The following ATP9B variants were observed in gnomAD, a reference collection of about 807,000 sequenced individuals.
ATP9B encodes the protein probable phospholipid-transporting ATPase IIB.
Under a neutral mutation model 146.1 loss-of-function variants are expected in ATP9B, and 110 were observed. That is an observed-to-expected ratio of 0.75 (90% confidence interval 0.65 to 0.88). The LOEUF is 0.88. Ranked by LOEUF, ATP9B falls within the 40% of genes least tolerant of loss-of-function variation. The pLI, the probability that ATP9B is intolerant of heterozygous loss-of-function variation, is 0.00. For missense variants in ATP9B, 1,499 were observed against 1,496.4 expected, an observed-to-expected ratio of 1.00 and a Z score of -0.03; for synonymous variants, 604 against 569.7, an observed-to-expected ratio of 1.06 and a Z score of -0.86.
intron 5 of ATP9B, among the ~76,000 whole-genome samples, chr18:79,131,854 A>G (rs151297161): frequency 1.7e-4 from 26 of 152,370 alleles, no homozygotes; most frequent in African/African-American, 6.0e-4. Flanking sequence ...AAGAAGCCAG[A>G]TGAAAAAGGT....
chr18:79,194,023 G>A (rs557411163), intron 9 of ATP9B, among the ~76,000 whole-genome samples: 2 of 152,186 alleles, frequency 1.3e-5, no homozygotes, highest in African/African-American at 2.4e-5. Context: ...CTGTGAGGTC[G>A]TTAAAGTCCC....
intron 1 of ATP9B, chr18:79,085,439 A>G (rs573083841): frequency 7.2e-5 from 11 of 152,356 alleles, no homozygotes; most frequent in African/African-American, 2.4e-4. Flanking sequence ...TACGGTTTTC[A>G]TATGTCATTA....
At chr18:79,255,767 C>T (rs1245452816) in intron 12 of ATP9B, among the ~76,000 whole-genome samples, 1 of 152,166 alleles carries the variant, frequency 6.6e-6, no homozygotes, top group African/African-American at 2.4e-5. Flanking sequence ...CATAGAGGGG[C>T]ACATATGCAT....
chr18:79,253,134 G>A (rs936685851), intron 11 of ATP9B, among the ~76,000 whole-genome samples: 7 of 152,220 alleles, frequency 4.6e-5, no homozygotes, highest in South Asian at 2.1e-4. Context: ...TCCAGAGGCC[G>A]TGTCTGAGTT....
chr18:79,310,299 T>C (rs544035039), intron 15 of ATP9B, among the ~76,000 whole-genome samples: 1 of 152,368 alleles, frequency 6.6e-6, no homozygotes, highest in Non-Finnish European at 1.5e-5. Context: ...ATCACCGTTT[T>C]GCTGATTAAA....
rs151087893 is a variant in ATP9B at position 79,092,774 on chromosome 18, G to A, written c.120-3702G>A. Among the ~76,000 whole-genome samples, 223 of 151,254 alleles carry A rather than the reference G, an allele frequency of 1.5e-3. 5 individuals carry two copies. The Middle Eastern group carries it at 0.037, about 25-fold the overall frequency. On this transcript the variant is annotated intron_variant, in intron 1 of 29. Coordinates refer to ENST00000426216, the MANE Select transcript of ATP9B (RefSeq NM_198531.5). ...TGTCACTGGGAAGGCAGTAACACAC[G>A]GAGCTGTCATCTCCTGTGTTAACAG...
At chr18:79,071,051 T>TTTTTC (rs777112273) in intron 1 of ATP9B, among the ~76,000 whole-genome samples, 14 of 145,580 alleles carry the variant, frequency 9.6e-5, no homozygotes, top group African/African-American at 2.1e-4. Flanking sequence ...TCCTGTTTCT[T>TTTTTC]TTTTTTTTTT....
chr18:79,325,614 C>T (rs747046965), intron 15 of ATP9B, among the ~76,000 whole-genome samples: 1 of 152,132 alleles, frequency 6.6e-6, no homozygotes, highest in Non-Finnish European at 1.5e-5. Flanking sequence ...AGGGAAGGAG[C>T]GGGGGCTTTT....
At chr18:79,192,652 TGTATAA>T (rs542871676) in intron 8 of ATP9B, among the ~76,000 whole-genome samples, 227 of 152,298 alleles carry the variant, frequency 1.5e-3, no homozygotes, top group Non-Finnish European at 2.6e-3. Flanking sequence ...CCCATGTGAT[TGTATAA>T]GTATGTGTCA....
chr18:79,328,636 T>A (rs879257015), intron 15 of ATP9B, among the ~76,000 whole-genome samples: 4 of 152,164 alleles, frequency 2.6e-5, no homozygotes, highest in Non-Finnish European at 5.9e-5. Flanking sequence ...CTCCTTTAAG[T>A]TTGCAAATAT....
intron 25 of ATP9B, among the ~76,000 whole-genome samples, chr18:79,349,240 G>A (rs9945016): frequency 0.49 from 74,182 of 152,052 alleles, 18,310 homozygotes; most frequent in East Asian, 0.7. Flanking sequence ...CCTGACCTCT[G>A]CAAAGCTCAT....
At chr18:79,205,770 A>G (rs1322373441) in intron 9 of ATP9B, among the ~76,000 whole-genome samples, 1 of 152,032 alleles carries the variant, frequency 6.6e-6, no homozygotes, top group Non-Finnish European at 1.5e-5. Flanking sequence ...TTAAATTGTA[A>G]TTTTCTTCTC....
At chr18:79,187,565 G>A (rs1397574739) in intron 8 of ATP9B, among the ~76,000 whole-genome samples, 1 of 152,184 alleles carries the variant, frequency 6.6e-6, no homozygotes, top group African/African-American at 2.4e-5. Flanking sequence ...AAGGAAATGG[G>A]AAGAAATATG....
At chr18:79,129,440 G>A (rs1038072753) in intron 5 of ATP9B, among the ~76,000 whole-genome samples, 1 of 152,166 alleles carries the variant, frequency 6.6e-6, no homozygotes, top group Non-Finnish European at 1.5e-5. Context: ...CAGTGAGGCT[G>A]CCGCACAGAG....
intron 12 of ATP9B, among the ~76,000 whole-genome samples, chr18:79,265,924 A>T (rs1315638687): frequency 6.6e-6 from 1 of 152,128 alleles, no homozygotes; most frequent in African/African-American, 2.4e-5. Context: ...ATATGGTGTA[A>T]AGAAGGGGTC....
intron 13 of ATP9B, among the ~76,000 whole-genome samples, chr18:79,287,373 C>A (rs1193875407): frequency 1.3e-5 from 2 of 152,154 alleles, no homozygotes; most frequent in Non-Finnish European, 2.9e-5. Context: ...AGGAATTTAT[C>A]CATTTCTTCT....
At position 79,371,370 on chromosome 18, in the gene ATP9B, T is replaced by TA. The variant is rs59110010; in HGVS notation, c.3013-1424dup. On this transcript the variant is annotated intron_variant, in intron 26 of 29. Transcript: ENST00000426216. ...CTGGTGAAAGAGCAAGACTCCGTCT[T>TA]AAAAAAAAAAAAAAAAAAAAAAAAA... Among the ~76,000 whole-genome samples the TA allele has an allele frequency of 8.2e-3, 801 of 98,076 alleles. 11 individuals carry two copies. Among genetic ancestry groups the TA allele is most frequent in the Non-Finnish European group, 0.013 (681 of 51,614 alleles). The allele number at this position is 98,076 out of a possible 152,430, so 64.3% of individuals were successfully genotyped here. A position where few individuals can be genotyped will look rare whatever the true frequency, so the allele number is the denominator to read the frequency against.
At chr18:79,325,438 T>G (rs530877433) in intron 15 of ATP9B, among the ~76,000 whole-genome samples, 4 of 152,194 alleles carry the variant, frequency 2.6e-5, no homozygotes, top group Admixed American at 2.6e-4. Flanking sequence ...TCTTAAAATA[T>G]GAGAAATTTG....
intron 11 of ATP9B, among the ~76,000 whole-genome samples, chr18:79,245,425 A>C (rs1031141901): frequency 9.1e-6 from 1 of 109,976 alleles, no homozygotes; most frequent in Admixed American, 1.0e-4. Flanking sequence ...ACATTAAGAC[A>C]AAAAAAACAG....
Sources: allele counts gnomAD v4.1 joint callset (sites outside exome capture counted in the v4.1 genomes callset), GRCh38; gene constraint gnomAD v4.1.1; transcripts MANE v1.5; gene names NCBI Gene and HGNC (gene_info 2026-07-23, HGNC 2026-07-21).